The following ERAP1 variants were observed in gnomAD, a reference collection of about 807,000 sequenced individuals.
The protein encoded by ERAP1 is adipocyte-derived leucine aminopeptidase.
Under a neutral mutation model 103.7 loss-of-function variants are expected in ERAP1, and 86 were observed. The ratio of observed to expected loss-of-function variants is 0.83; its 90% confidence interval spans 0.70 to 0.99. The LOEUF (loss-of-function observed/expected upper bound fraction) is 0.99. Ranked by LOEUF, ERAP1 falls within the 50% of genes least tolerant of loss-of-function variation. The pLI is 0.00. For missense variants in ERAP1, 1,009 were observed against 1,128.4 expected (o/e 0.89, Z 1.52); for synonymous variants, 398 against 402.4 (o/e 0.99, Z 0.13).
In ERAP1 at chr5:96,774,638, A is replaced by C; in HGVS notation, c.*1758T>G. 1 of 985,272 alleles carries C rather than the reference A, an allele frequency of 1.0e-6. No individual in the cohort carries two copies. Among genetic ancestry groups the C allele is most frequent in the Non-Finnish European group, 1.2e-6 (1 of 829,656 alleles). 61.0% of individuals were successfully genotyped at this position (985,272 alleles called of 1,614,324 possible). On this transcript the variant is annotated 3_prime_UTR_variant, in exon 19 of 19. Coordinates refer to ENST00000443439, the MANE Select transcript of ERAP1 (RefSeq NM_001040458.3). Reference sequence around the variant, plus strand: ...AAAATCAATATTTCCATGTTTCATTAATCAAGGCATAAAATACAATTAAAG... The same window carrying C: ...AAAATCAATATTTCCATGTTTCATTCATCAAGGCATAAAATACAATTAAAG...
At chr5:96,900,149 G>A in the ERAP1 span, 1 of 1,613,866 alleles carries the variant, frequency 6.2e-7, no homozygotes, top group South Asian at 1.1e-5. Flanking sequence ...TTTACATCTG[G>A]TGGAGTTTGT....
At chr5:96,794,470 C>T (rs1777123354) in intron 5 of ERAP1, among the ~76,000 whole-genome samples, 1 of 152,286 alleles carries the variant, frequency 6.6e-6, no homozygotes, top group Admixed American at 6.5e-5. Context: ...GATTACAAGA[C>T]ATGAGCCACC....
chr5:96,768,731 C>A (rs1484928673), intron 19 of ERAP1, among the ~76,000 whole-genome samples: 2 of 152,184 alleles, frequency 1.3e-5, no homozygotes, highest in African/African-American at 2.4e-5. Flanking sequence ...GAGCTTCCTC[C>A]CCTTTTCTGT....
At chr5:96,819,020 G>A in the ERAP1 span, among the ~76,000 whole-genome samples, 1 of 151,974 alleles carries the variant, frequency 6.6e-6, no homozygotes, top group African/African-American at 2.4e-5. Flanking sequence ...CCGCCTTCCA[G>A]GTTCAAGCGA....
chr5:96,863,537 G>A, the ERAP1 span, among the ~76,000 whole-genome samples: 336 of 151,828 alleles, frequency 2.2e-3, 9 homozygotes, highest in East Asian at 0.053. Flanking sequence ...ATCCTCCCCC[G>A]TGCCCGATTT....
chr5:96,873,729 A>G, the ERAP1 span: 2 of 314,582 alleles, frequency 6.4e-6, no homozygotes, highest in South Asian at 2.6e-5. Context: ...GCATTCACCC[A>G]CTCAACTAAC....
chr5:96,783,889 A>G, intron 14 of ERAP1, 35 bp downstream of exon 14: 1 of 1,559,200 alleles, frequency 6.4e-7, no homozygotes, highest in Non-Finnish European at 8.8e-7. Context: ...TTTAACACAA[A>G]TAATAATTAC....
At chr5:96,904,560 G>A in the ERAP1 span, among the ~76,000 whole-genome samples, 211 of 152,234 alleles carry the variant, frequency 1.4e-3, no homozygotes, top group African/African-American at 4.4e-3. Flanking sequence ...CTCATTGGAG[G>A]CCAAAATTAG....
Position 96,765,107 on chromosome 5 carries a change from T to C in ERAP1, c.2819-1879A>G. The C allele has an allele frequency of 4.3e-6, 3 of 690,140 alleles. No homozygotes were observed. In the South Asian group the frequency reaches 5.2e-5, roughly 12 times the overall value. The allele number at this position is 690,140 out of a possible 1,614,324, so 42.8% of individuals were successfully genotyped here. A position where few individuals can be genotyped will look rare whatever the true frequency, so the allele number is the denominator to read the frequency against. On this transcript the variant is annotated intron_variant, in intron 19 of 19. Transcript: ENST00000296754. The stretch of plus-strand genomic sequence containing the variant: ...TACTCCCCTGCCCCAGCCCCAGATG[T>C]CTTTTTCTTCCAAGGAAACAGGTTC...
At chr5:96,799,377 T>C (rs1777738565) in intron 3 of ERAP1, among the ~76,000 whole-genome samples, 1 of 151,992 alleles carries the variant, frequency 6.6e-6, no homozygotes, top group South Asian at 2.1e-4. Context: ...AGGCTACTCG[T>C]ATTAGATTTC....
chr5:96,915,906 G>C, the ERAP1 span: 1 of 619,884 alleles, frequency 1.6e-6, no homozygotes, highest in Non-Finnish European at 2.7e-6. Context: ...CATATAGCAA[G>C]TAAATGGAAG....
At chr5:96,761,533 G>T (rs1416686116) in exon 20 of ERAP1, 2 of 152,146 alleles carry the variant, frequency 1.3e-5, no homozygotes, top group Non-Finnish European at 2.9e-5. Context: ...GGTAAAATTT[G>T]CAATTCTCCT....
the ERAP1 span, among the ~76,000 whole-genome samples, chr5:96,862,716 C>T: frequency 6.6e-6 from 1 of 152,160 alleles, no homozygotes; most frequent in Non-Finnish European, 1.5e-5. Context: ...ACAGGGTAAC[C>T]TTCTCTGCAG....
At chr5:96,882,810 A>C in the ERAP1 span, among the ~76,000 whole-genome samples, 1 of 152,160 alleles carries the variant, frequency 6.6e-6, no homozygotes, top group Non-Finnish European at 1.5e-5. Flanking sequence ...CATAGAAATA[A>C]AGCAAGCTGA....
chr5:96,822,570 G>T, the ERAP1 span, among the ~76,000 whole-genome samples: 1 of 152,158 alleles, frequency 6.6e-6, no homozygotes, highest in African/African-American at 2.4e-5. Flanking sequence ...AAGGGATGCC[G>T]AGGTAGCCTG....
At chr5:96,828,015 G>T in the ERAP1 span, among the ~76,000 whole-genome samples, 2 of 152,160 alleles carry the variant, frequency 1.3e-5, no homozygotes, top group Non-Finnish European at 2.9e-5. Flanking sequence ...TAAAGCTATT[G>T]TGATAAACTA....
the ERAP1 span, among the ~76,000 whole-genome samples, chr5:96,864,758 A>G: frequency 6.6e-6 from 1 of 152,168 alleles, no homozygotes; most frequent in Non-Finnish European, 1.5e-5. Context: ...TGCAAGTTCA[A>G]TAGTAATTTT....
chr5:96,896,023 T>C, the ERAP1 span, among the ~76,000 whole-genome samples: 3 of 152,198 alleles, frequency 2.0e-5, no homozygotes, highest in Non-Finnish European at 2.9e-5. Flanking sequence ...ATATACCATA[T>C]CTCCCTTGCA....
At chr5:96,786,898 G>A in intron 11 of ERAP1, 1 of 217,270 alleles carries the variant, frequency 4.6e-6, no homozygotes, top group Non-Finnish European at 9.3e-6. Context: ...CACCTCCTTG[G>A]GATTCCTGTC....
Sources: allele counts gnomAD v4.1 joint callset (sites outside exome capture counted in the v4.1 genomes callset), GRCh38; gene constraint gnomAD v4.1.1; transcripts MANE v1.5; gene names NCBI Gene and HGNC (gene_info 2026-07-23, HGNC 2026-07-21).